Variants in ZC3H3 observed in about 807,000 individuals in gnomAD.
The protein encoded by ZC3H3 is zinc finger CCCH-type containing 3.
A neutral mutation model predicts 77.3 loss-of-function variants in ZC3H3; 36 were observed. The ratio of observed to expected loss-of-function variants is 0.47; its 90% CI spans 0.36 to 0.61. The LOEUF is 0.61. ZC3H3 is among the 20% of genes least tolerant of loss of function. The pLI, the probability that ZC3H3 is intolerant of heterozygous loss-of-function variation, is 0.00. For missense variants in ZC3H3, 1,331 were observed against 1,312.2 expected, an observed-to-expected ratio of 1.01 and a Z score of -0.22; for synonymous variants, 626 against 555.2, an observed-to-expected ratio of 1.13 and a Z score of -1.79.
chr8:143,497,797 C>T (rs1821395771), intron 4 of ZC3H3, among the ~76,000 whole-genome samples: 3 of 152,200 alleles, frequency 2.0e-5, no homozygotes, highest in Admixed American at 6.5e-5. Flanking sequence ...CCGGGTCTCA[C>T]GTGTGTTATC....
chr8:143,491,245 C>T (rs1361153589), intron 4 of ZC3H3, among the ~76,000 whole-genome samples: 13 of 152,214 alleles, frequency 8.5e-5, no homozygotes, highest in South Asian at 4.1e-4. Flanking sequence ...GCTCCCTCCC[C>T]GAAGGTCCTT....
intron 5 of ZC3H3, among the ~76,000 whole-genome samples, chr8:143,474,115 G>A (rs562300163): frequency 1.4e-4 from 22 of 152,290 alleles, no homozygotes; most frequent in South Asian, 4.2e-4. Flanking sequence ...CTGAGCACCC[G>A]GGGTGTAGCA....
Position 143,530,816 on chromosome 8 carries a change from A to G in ZC3H3, c.1561+5441T>C, listed in dbSNP as rs575511335. On this transcript the variant is annotated intron_variant, in intron 3 of 11. Coordinates refer to ENST00000262577, the MANE Select transcript of ZC3H3 (RefSeq NM_015117.3). This position sits in a 1 kb window ranked among gnomAD's most constrained non-coding sequence, Gnocchi z 4.3. ...ACAGGACACCATTTTTCAGACTCCA[A>G]AAAGGTTTTCTTCTCTTCTGCCCAA... Among the ~76,000 whole-genome samples, 1 of 152,120 alleles carries G rather than the reference A, an allele frequency of 6.6e-6. No homozygotes were observed. The highest frequency in any genetic ancestry group is 2.4e-5 in the African/African-American group (1 of 41,424).
In ZC3H3 at chr8:143,471,895, T is replaced by C. The variant is rs186736600; in HGVS notation, c.1904-3236A>G. On this transcript the variant is annotated intron_variant, in intron 5 of 11. Coordinates refer to ENST00000262577, the MANE Select transcript of ZC3H3 (RefSeq NM_015117.3). ...CGGTATCCCACAGCTGGGAGCCATC[T>C]ACCTTCCTCATGGCGAGGCGGGGCC... 2.9e-3 allele frequency among the ~76,000 whole-genome samples: 437 copies of C among 152,380 alleles called. 3 individuals are homozygous for C. The highest frequency in any genetic ancestry group is 0.01 in the African/African-American group (428 of 41,588).
chr8:143,438,185 T>TA, intron 11 of ZC3H3, 98 bp from the exon 12 acceptor site: 1 of 1,470,466 alleles, frequency 6.8e-7, no homozygotes, highest in Non-Finnish European at 9.3e-7. Context: ...GGGGGCTCTG[T>TA]CAGCCCAAGC....
chr8:143,457,893 C>T (rs1369967920), intron 9 of ZC3H3, among the ~76,000 whole-genome samples: 1 of 151,668 alleles, frequency 6.6e-6, no homozygotes, highest in African/African-American at 2.4e-5. Flanking sequence ...TCAAATTATT[C>T]AAATCAATAA....
chr8:143,446,900 G>T (rs138891756), intron 9 of ZC3H3, among the ~76,000 whole-genome samples: 1 of 152,252 alleles, frequency 6.6e-6, no homozygotes, highest in Admixed American at 6.5e-5. Context: ...TTTTCTATCA[G>T]CACCAAGACA....
chr8:143,472,068 T>C (rs1252528948), intron 5 of ZC3H3, among the ~76,000 whole-genome samples: 1 of 152,220 alleles, frequency 6.6e-6, no homozygotes, highest in African/African-American at 2.4e-5. Context: ...CCCTACTCGA[T>C]GGCAGGCGGG....
In ZC3H3 at chr8:143,475,495, G is replaced by T; in HGVS notation, c.1806C>A (p.Arg602=). 7 of 1,613,010 alleles carry T rather than the reference G, an allele frequency of 4.3e-6. No individual in the cohort carries two copies. Among genetic ancestry groups the T allele is most frequent in the Non-Finnish European group, 5.9e-6 (7 of 1,179,922 alleles). Residue 602 remains arginine, a synonymous_variant, in exon 5 of 12, where the codon CGC becomes CGA. Coordinates refer to ENST00000262577, the MANE Select transcript of ZC3H3 (RefSeq NM_015117.3). ...GSPWWRSKGY[R]CIGGVLYKVS... ...CTTTGTAGAGGACCCCTCCGATGCA[G>T]CGGTAGCCTTTGCTCCGCCACCAAG...
In ZC3H3 at chr8:143,538,671, G is replaced by A. The variant is rs754445639; in HGVS notation, c.696C>T (p.Ser232=). ...SVIAVKASFP[S]SALPPRTGVA... ...CGCCAGTGCGTGGGGGCAGAGCGGA[G>A]GATGGGAAGCTCGCCTTGACGGCAA... Residue 232 remains serine, a synonymous_variant, in exon 2 of 12, where the codon TCC becomes TCT. Coordinates refer to ENST00000262577, the MANE Select transcript of ZC3H3 (RefSeq NM_015117.3). The A allele has an allele frequency of 1.8e-5, 29 of 1,608,238 alleles. No individual in the cohort carries two copies. The highest frequency in any genetic ancestry group is 2.5e-5 in the Non-Finnish European group (29 of 1,179,924).
In ZC3H3 at chr8:143,541,141, T is replaced by C. The variant is rs546005651; in HGVS notation, c.46+235A>G. ...CGGGTTACTAAGCGACGGCCCTGCC[T>C]CCACCCTCTGCAGCCCCAGCAGGGC... On this transcript the variant is annotated intron_variant, in intron 1 of 11. Transcript: ENST00000262577. Among the ~76,000 whole-genome samples, 41 of 152,172 alleles carry C rather than the reference T, an allele frequency of 2.7e-4. No homozygotes were observed. In the East Asian group the frequency reaches 5.6e-3, roughly 21 times the overall value.
In ZC3H3 at chr8:143,493,395, C is replaced by T. The variant is rs443248; in HGVS notation, c.1715+14351G>A. ...GTGTGGATGCGGGCTAGCTCAGGCCCTGGCAAGACTGGCTTCTCCTCCCTC... is the reference window on the plus strand; with the variant it reads ...GTGTGGATGCGGGCTAGCTCAGGCCTTGGCAAGACTGGCTTCTCCTCCCTC... On this transcript the variant is annotated intron_variant, in intron 4 of 11. Coordinates refer to ENST00000262577, the MANE Select transcript of ZC3H3 (RefSeq NM_015117.3). This position sits in a 1 kb window ranked among gnomAD's most constrained non-coding sequence, Gnocchi z 4.8. Among the ~76,000 whole-genome samples the T allele has an allele frequency of 0.028, 4,244 of 152,320 alleles. 180 individuals are homozygous for T. The highest frequency in any genetic ancestry group is 0.096 in the African/African-American group (3,995 of 41,546).
intron 3 of ZC3H3, among the ~76,000 whole-genome samples, chr8:143,529,079 T>C (rs1470832955): frequency 6.6e-6 from 1 of 152,164 alleles, no homozygotes. Context: ...GACTCCCGAA[T>C]GAGGGGAGCA....
At chr8:143,529,770 C>T (rs940972930) in intron 3 of ZC3H3, among the ~76,000 whole-genome samples, 2 of 152,312 alleles carry the variant, frequency 1.3e-5, no homozygotes, top group Middle Eastern at 3.4e-3. Context: ...GGGGAAGCCA[C>T]GACCACCTGG....
rs1199609871 is a variant in ZC3H3, at chr8:143,486,222, C to G, written c.1716-10637G>C. Among the ~76,000 whole-genome samples, 4 of 152,378 alleles carry G rather than the reference C, an allele frequency of 2.6e-5. No homozygotes were observed. In the South Asian group the frequency reaches 8.3e-4, roughly 32 times the overall value. On this transcript the variant is annotated intron_variant, in intron 4 of 11. Transcript: ENST00000262577. The stretch of plus-strand genomic sequence containing the variant: ...ACACGGCAGGGAAAAAGAATGAGTT[C>G]CCGCCAGGCGCGGCAATGTAGCGGA...
intron 9 of ZC3H3, among the ~76,000 whole-genome samples, chr8:143,456,137 A>G (rs1820113003): frequency 6.6e-6 from 1 of 152,164 alleles, no homozygotes; most frequent in African/African-American, 2.4e-5. Context: ...AGAGAAGGGA[A>G]GACTACTGAA....
intron 9 of ZC3H3, among the ~76,000 whole-genome samples, chr8:143,455,831 G>A (rs1820102818): frequency 1.3e-5 from 2 of 151,824 alleles, no homozygotes; most frequent in South Asian, 4.2e-4. Flanking sequence ...AAATTAGTCA[G>A]GCGTGGTGGT....
At chr8:143,495,812 G>A (rs1391601685) in intron 4 of ZC3H3, among the ~76,000 whole-genome samples, 9 of 147,480 alleles carry the variant, frequency 6.1e-5, no homozygotes, top group Middle Eastern at 7.1e-3. Flanking sequence ...TATGTTGCCC[G>A]AGCTGGTCTT....
chr8:143,522,472 G>GT (rs2130469706), intron 3 of ZC3H3, among the ~76,000 whole-genome samples: 1 of 152,312 alleles, frequency 6.6e-6, no homozygotes, highest in East Asian at 1.9e-4. Context: ...ATGTGATGGC[G>GT]TGAGCCTGTA....
Sources: gnomAD v4.1 joint callset for allele counts (sites outside exome capture counted in the v4.1 genomes callset) on GRCh38, gnomAD v4.1.1 for gene constraint, Gnocchi (gnomAD v3.1) non-coding constraint, MANE v1.5 for transcripts, NCBI Gene and HGNC (gene_info 2026-07-23, HGNC 2026-07-21) for gene names.